KLRG1: variants seen among roughly 807,000 people sequenced by gnomAD.
KLRG1 encodes the protein killer cell lectin like receptor G1.
A neutral mutation model predicts 21.8 loss-of-function variants in KLRG1; 16 were observed. That is an observed-to-expected ratio of 0.73 (90% CI 0.50 to 1.11). The LOEUF (loss-of-function observed/expected upper bound fraction) is 1.11, where lower values mean the gene tolerates loss of function less well. Among genes scored for constraint, KLRG1 ranks in the 50% most tolerant of loss-of-function variants. The pLI is 0.00. For synonymous variants in KLRG1, 69 were observed against 75.9 expected, an observed-to-expected ratio of 0.91 and a Z score of 0.47; for missense variants, 173 against 218.3, an observed-to-expected ratio of 0.79 and a Z score of 1.31.
chr12:9,087,678 A>T, the KLRG1 span, among the ~76,000 whole-genome samples: 1 of 152,146 alleles, frequency 6.6e-6, no homozygotes, highest in Non-Finnish European at 1.5e-5. Context: ...AAACATAAGT[A>T]TTTCAGGTTA....
the KLRG1 span, among the ~76,000 whole-genome samples, chr12:9,127,451 T>C: frequency 3.3e-5 from 5 of 152,330 alleles, no homozygotes; most frequent in South Asian, 1.0e-3. Context: ...TTATAATTGG[T>C]AATAATGCAA....
chr12:9,134,585 T>A, the KLRG1 span, among the ~76,000 whole-genome samples: 1 of 152,196 alleles, frequency 6.6e-6, no homozygotes, highest in African/African-American at 2.4e-5. Context: ...CCTCTTCAGT[T>A]TAGCCCCTGA....
chr12:9,059,646 G>T, the KLRG1 span, among the ~76,000 whole-genome samples: 138 of 152,220 alleles, frequency 9.1e-4, no homozygotes, highest in African/African-American at 3.2e-3. Flanking sequence ...CATAAGCCCT[G>T]ACATCTTTAT....
chr12:9,209,471 G>A, the KLRG1 span, among the ~76,000 whole-genome samples: 55,773 of 151,686 alleles, frequency 0.37, 10,319 homozygotes, highest in East Asian at 0.45. Flanking sequence ...CAAGATAAAA[G>A]ACACTCGTAC....
the KLRG1 span, among the ~76,000 whole-genome samples, chr12:9,152,038 C>G: frequency 6.6e-6 from 1 of 152,134 alleles, no homozygotes; most frequent in Non-Finnish European, 1.5e-5. Context: ...GTGCATTTCT[C>G]TGGTATCACA....
At chr12:9,106,157 G>T in the KLRG1 span, 2 of 809,630 alleles carry the variant, frequency 2.5e-6, no homozygotes, top group South Asian at 3.7e-5. Context: ...AACCAGGCAT[G>T]GTTTTAGCAC....
the KLRG1 span, chr12:9,068,929 G>T: frequency 1.1e-6 from 1 of 943,098 alleles, no homozygotes. Context: ...TTTTTTGGGG[G>T]AAAAGCTTTA....
chr12:9,114,129 C>G, the KLRG1 span, among the ~76,000 whole-genome samples: 1 of 152,240 alleles, frequency 6.6e-6, no homozygotes, highest in East Asian at 1.9e-4. Flanking sequence ...TGTTACCTAA[C>G]CATGGATGTT....
At chr12:9,208,442 A>G in the KLRG1 span, 1 of 838,814 alleles carries the variant, frequency 1.2e-6, no homozygotes, top group Non-Finnish European at 2.0e-6. Flanking sequence ...CTATGTACAA[A>G]CAAGCCCCAC....
At chr12:9,034,233 A>G in the KLRG1 span, among the ~76,000 whole-genome samples, 1 of 152,220 alleles carries the variant, frequency 6.6e-6, no homozygotes, top group African/African-American at 2.4e-5. Flanking sequence ...AAAAATTCCT[A>G]GTGACATCCT....
chr12:9,208,264 T>C, the KLRG1 span: 2 of 1,612,482 alleles, frequency 1.2e-6, no homozygotes, highest in Non-Finnish European at 1.7e-6. Context: ...CTTACGGTTC[T>C]GTAGAGTTTG....
upstream of KLRG1, among the ~76,000 whole-genome samples, chr12:8,988,025 A>C (rs1182488377): frequency 6.6e-6 from 1 of 152,132 alleles, no homozygotes; most frequent in Non-Finnish European, 1.5e-5. Flanking sequence ...CTTTCTGTTC[A>C]GCTCTTGGCC....
the KLRG1 span, among the ~76,000 whole-genome samples, chr12:9,130,435 T>G: frequency 6.6e-6 from 1 of 152,168 alleles, no homozygotes; most frequent in African/African-American, 2.4e-5. Flanking sequence ...GGTTTCAATT[T>G]GTCCCCATCC....
At chr12:9,047,922 T>TG in the KLRG1 span, among the ~76,000 whole-genome samples, 1 of 152,170 alleles carries the variant, frequency 6.6e-6, no homozygotes, top group African/African-American at 2.4e-5. Flanking sequence ...CTATTATAGT[T>TG]GGAGACTTCA....
chr12:9,129,150 C>T, the KLRG1 span, among the ~76,000 whole-genome samples: 1 of 152,118 alleles, frequency 6.6e-6, no homozygotes, highest in East Asian at 1.9e-4. Context: ...CGGGCATATC[C>T]TAGGCACTTA....
At chr12:9,165,951 AATT>A in the KLRG1 span, 1 of 1,398,280 alleles carries the variant, frequency 7.2e-7, no homozygotes, top group African/African-American at 1.4e-5. Context: ...AGGTTAAGAT[AATT>A]ATTCAGAACT....
At chr12:9,176,731 C>T in the KLRG1 span, among the ~76,000 whole-genome samples, 1,284 of 152,254 alleles carry the variant, frequency 8.4e-3, 15 homozygotes, top group Non-Finnish European at 0.015. Flanking sequence ...TAATTATGGA[C>T]GAGTAACTCC....
At chr12:9,152,334 T>A in the KLRG1 span, 3 of 1,580,228 alleles carry the variant, frequency 1.9e-6, no homozygotes, top group Non-Finnish European at 2.6e-6. Context: ...GGAAAAAGAA[T>A]TTAGGGTTTT....
At chr12:9,106,590 A>G in the KLRG1 span, 1 of 1,575,310 alleles carries the variant, frequency 6.3e-7, no homozygotes, top group Non-Finnish European at 8.7e-7. Flanking sequence ...TGATAGAAGC[A>G]GCCATGGCTG....
Sources: allele counts gnomAD v4.1 joint callset (sites outside exome capture counted in the v4.1 genomes callset), GRCh38; gene constraint gnomAD v4.1.1; transcripts MANE v1.5; gene names NCBI Gene and HGNC (gene_info 2026-07-23, HGNC 2026-07-21).